The following DQX1 variants were observed in gnomAD, a reference collection of about 807,000 sequenced individuals.
The protein encoded by DQX1 is DEAQ-box RNA dependent ATPase 1.
DQX1 carries 66 observed loss-of-function variants against 81.3 expected under a neutral mutation model. The observed-to-expected ratio is 0.81, with a 90% CI of 0.67 to 1.00. The LOEUF (loss-of-function observed/expected upper bound fraction) is 1.00. Among genes scored for constraint, DQX1 ranks in the 50% least tolerant of loss-of-function variants. DQX1 has a pLI of 0.00. For synonymous variants in DQX1, 290 were observed against 350.0 expected (o/e 0.83, Z 1.91); for missense variants, 798 against 867.9 (o/e 0.92, Z 1.01).
rs762360458 is a variant in DQX1, at chr2:74,524,165, C to A, written c.574G>T (p.Glu192Ter). The change falls in exon 4 of 12, where the codon GAA becomes TAA. Residue 192 changes from glutamate to a stop codon, truncating the protein, a stop_gained. Coordinates refer to ENST00000404568, the MANE Select transcript of DQX1 (RefSeq NM_133637.3). LOFTEE classifies it high-confidence loss of function. Reference protein sequence around the residue: ...LQGLLQDARLEKLPGDLRVVV... With the variant: ...LQGLLQDARL ...ACTCTGAGGTCCCCCGGAAGTTTTT[C>A]CAGCCTGGCATCTTGCAGTAGCCCC... The A allele has an allele frequency of 4.8e-5, 78 of 1,614,072 alleles. No individual in the cohort carries two copies. The highest frequency in any genetic ancestry group is 6.4e-5 in the Non-Finnish European group (76 of 1,180,030).
intron 8 of DQX1, 85 bp from the exon 9 acceptor site, chr2:74,520,119 A>C: frequency 6.5e-7 from 1 of 1,533,166 alleles, no homozygotes; most frequent in Non-Finnish European, 8.8e-7. Context: ...GAAAAGGCAG[A>C]AGTGTCCCTT....
At position 74,525,126 on chromosome 2, in the gene DQX1, G is replaced by A; in HGVS notation, c.314C>T (p.Pro105Leu). The change falls in exon 3 of 12, where the codon CCT (proline) becomes CTT (leucine). Residue 105 changes from proline (P) to leucine (L), a missense_variant. Coordinates refer to ENST00000404568, the MANE Select transcript of DQX1 (RefSeq NM_133637.3). This position sits in a 1 kb window ranked among gnomAD's most constrained non-coding sequence, Gnocchi z 4.1. ...CAGAGCCAGGCTCCGGGCTGCAAGA[G>A]GGTAGGGCTGAGTAACAGTAACCTG... is the stretch of plus-strand genomic sequence containing the variant. ...KGQVTVTQPY[P>L]LAARSLALRV... The A allele has an allele frequency of 1.9e-6, 3 of 1,613,978 alleles. No homozygotes were observed. Among genetic ancestry groups the A allele is most frequent in the Non-Finnish European group, 2.5e-6 (3 of 1,179,898 alleles).
chr2:74,519,438 G>C, intron 10 of DQX1, 118 bp downstream of exon 10: 1 of 1,416,792 alleles, frequency 7.1e-7, no homozygotes, highest in Non-Finnish European at 9.6e-7. Context: ...AGTCCTTTCT[G>C]GTTCTAAAGA....
rs1313938406 is a variant in DQX1, at chr2:74,522,685, T to G, written c.1390A>C (p.Ile464Leu). 6.2e-7 allele frequency: 1 copy of G among 1,614,110 alleles called. No homozygotes were observed. Among genetic ancestry groups the G allele is most frequent in the Non-Finnish European group, 8.5e-7 (1 of 1,180,042 alleles). The change falls in exon 8 of 12, where the codon ATA (isoleucine) becomes CTA (leucine). Residue 464 changes from isoleucine to leucine, a missense_variant. Ile to Leu is a conservative substitution (Grantham distance 5, BLOSUM62 2). Transcript: ENST00000404568. The part of the protein sequence containing the change: ...DDGDLSDLGV[I>L]LSEFPLAPEL... ...GGGGCCAGAGGGAATTCTGATAGTATGACACCCAGATCTGACAGGTCCCCA... is the reference window on the plus strand; with the variant it reads ...GGGGCCAGAGGGAATTCTGATAGTAGGACACCCAGATCTGACAGGTCCCCA...
At chr2:74,521,649 GA>G (rs760123100) in intron 8 of DQX1, among the ~76,000 whole-genome samples, 167 of 122,010 alleles carry the variant, frequency 1.4e-3, no homozygotes, top group Non-Finnish European at 1.5e-3. Flanking sequence ...GACTTTGTCT[GA>G]AAAAAAAAAA....
intron 11 of DQX1, 89 bp from the exon 12 acceptor site, chr2:74,518,691 G>A (rs966414213): frequency 3.0e-6 from 4 of 1,328,218 alleles, no homozygotes; most frequent in Non-Finnish European, 4.2e-6. Context: ...CTGTTACCTG[G>A]GCTGGAGTTC....
chr2:74,519,896 A>G lies in DQX1; in HGVS notation c.1615+19T>C. The G allele has an allele frequency of 6.2e-7, 1 of 1,609,202 alleles. No homozygotes were observed. The highest frequency in any genetic ancestry group is 8.5e-7 in the Non-Finnish European group (1 of 1,176,480). On this transcript the variant is annotated intron_variant, in intron 9 of 11. Transcript: ENST00000404568. ...CTCTTTGGAAAATCTGGGATTCTAT[A>G]AAAGGATGCAGAACTCACTTTGTAT...
chr2:74,522,215 T>C (rs1675047829), intron 8 of DQX1, among the ~76,000 whole-genome samples: 1 of 152,052 alleles, frequency 6.6e-6, no homozygotes, highest in East Asian at 1.9e-4. Flanking sequence ...CACTGGTGAG[T>C]TGAAAGCTGT....
At position 74,522,994 on chromosome 2, in the gene DQX1, G is replaced by A. The variant is rs374979720; in HGVS notation, c.1165C>T (p.Pro389Ser). Residue 389 changes from proline (P) to serine (S), a missense_variant, in exon 7 of 12, where the codon CCT becomes TCT. Coordinates refer to ENST00000404568, the MANE Select transcript of DQX1 (RefSeq NM_133637.3). ...GCTTCTAGTTCTAAGAAGGACTTAG[G>A]ATACAGGCAGAGGCAGGATCCTGAG... ...FPPGSCLCLY[P>S]KSFLELEAPP... 2.5e-6 allele frequency: 4 copies of A among 1,614,078 alleles called. No individual in the cohort carries two copies. In the African/African-American group the frequency reaches 5.3e-5, roughly 22 times the overall value.
chr2:74,521,145 T>C (rs932760858), intron 8 of DQX1, among the ~76,000 whole-genome samples: 3 of 152,212 alleles, frequency 2.0e-5, no homozygotes, highest in South Asian at 2.1e-4. Context: ...TATATTTATA[T>C]ATATATTTAC....
chr2:74,522,151 G>A (rs1675046797), intron 8 of DQX1, among the ~76,000 whole-genome samples: 1 of 152,222 alleles, frequency 6.6e-6, no homozygotes, highest in Non-Finnish European at 1.5e-5. Context: ...AGTGTCAAAA[G>A]AAGGTCATGA....
In DQX1 at chr2:74,525,321, C is replaced by A; in HGVS notation, c.238-119G>T. The A allele has an allele frequency of 7.6e-7, 1 of 1,307,756 alleles. No individual in the cohort carries two copies. The highest frequency in any genetic ancestry group is 1.0e-6 in the Non-Finnish European group (1 of 969,354). 81.0% of individuals were successfully genotyped at this position (1,307,756 alleles called of 1,614,324 possible). ...ATTTGGGGAGTCCCCTGGTCTTTCA[C>A]CAGCCTCCAGGGCCAACCTAACCCA... On this transcript the variant is annotated intron_variant, in intron 2 of 11. Coordinates refer to ENST00000404568, the MANE Select transcript of DQX1 (RefSeq NM_133637.3). This position sits in a 1 kb window ranked among gnomAD's most constrained non-coding sequence, Gnocchi z 4.1.
At chr2:74,521,269 T>G (rs1675015836) in intron 8 of DQX1, among the ~76,000 whole-genome samples, 1 of 151,902 alleles carries the variant, frequency 6.6e-6, no homozygotes, top group Non-Finnish European at 1.5e-5. Flanking sequence ...GAGGAAAAGA[T>G]TTTGTGGTGA....
intron 11 of DQX1, 86 bp from the exon 12 acceptor site, chr2:74,518,688 C>T: frequency 7.3e-7 from 1 of 1,374,818 alleles, no homozygotes; most frequent in Non-Finnish European, 1.0e-6. Context: ...GCTCTGTTAC[C>T]TGGGCTGGAG....
Position 74,519,716 on chromosome 2 carries a change from C to T in DQX1, c.1646G>A (p.Arg549Gln), listed in dbSNP as rs755644140. ...SGADEAWCQARGLNWAALCQA... is the reference protein window; with the variant it reads ...SGADEAWCQAQGLNWAALCQA... The stretch of plus-strand genomic sequence containing the variant: ...GCACAATGCTGCCCAATTCAGACCT[C>T]GAGCCTGGCACCAAGCCTCATCTGC... The change falls in exon 10 of 12, where the codon CGA becomes CAA. Residue 549 changes from arginine (R) to glutamine (Q), a missense_variant. By Grantham distance (43) the Arg-to-Gln change is conservative. Coordinates refer to ENST00000404568, the MANE Select transcript of DQX1 (RefSeq NM_133637.3). 6.2e-6 allele frequency: 10 copies of T among 1,614,060 alleles called. No individual in the cohort carries two copies. Among genetic ancestry groups the T allele is most frequent in the African/African-American group, 1.3e-5 (1 of 74,920 alleles).
At position 74,518,217 on chromosome 2, in the gene DQX1, C is replaced by T. The variant is rs562915306; in HGVS notation, c.*229G>A. The T allele has an allele frequency of 1.7e-3, 823 of 490,190 alleles. 2 individuals carry two copies. Among genetic ancestry groups the T allele is most frequent in the Non-Finnish European group, 2.0e-3 (556 of 280,386 alleles). 30.4% of individuals were successfully genotyped at this position (490,190 alleles called of 1,614,324 possible). ...TTAAGAGAATGAGGAGCATGTCAGT[C>T]CCTCTCCAATCAATAAGAGAAGGCT... is the stretch of plus-strand genomic sequence containing the variant. On this transcript the variant is annotated 3_prime_UTR_variant, in exon 12 of 12. Transcript: ENST00000404568.
In DQX1 at chr2:74,525,102, A is replaced by G; in HGVS notation, c.338T>C (p.Leu113Pro). The part of the protein sequence containing the change: ...PYPLAARSLA[L>P]RVADEMDLTL... ...CAGGTCCATCTCATCAGCAACCCGC[A>G]GAGCCAGGCTCCGGGCTGCAAGAGG... is the stretch of plus-strand genomic sequence containing the variant. Residue 113 changes from leucine (L) to proline (P), a missense_variant, in exon 3 of 12, where the codon CTG becomes CCG. Coordinates refer to ENST00000404568, the MANE Select transcript of DQX1 (RefSeq NM_133637.3). This position sits in a 1 kb window ranked among gnomAD's most constrained non-coding sequence, Gnocchi z 4.1. The G allele has an allele frequency of 6.2e-7, 1 of 1,614,146 alleles. No homozygotes were observed. Among genetic ancestry groups the G allele is most frequent in the Non-Finnish European group, 8.5e-7 (1 of 1,180,004 alleles).
chr2:74,522,558 G>A, intron 8 of DQX1, 22 bp downstream of exon 8: 1 of 1,603,032 alleles, frequency 6.2e-7, no homozygotes, highest in African/African-American at 1.3e-5. Flanking sequence ...AAGAGCTATG[G>A]ATTTACAGCA....
At position 74,521,648 on chromosome 2, in the gene DQX1, T is replaced by TG. The variant is rs1481192198; in HGVS notation, c.1495+931dup. 2.7e-5 allele frequency among the ~76,000 whole-genome samples: 4 copies of TG among 145,572 alleles called. No homozygotes were observed. In the East Asian group the frequency reaches 7.9e-4, roughly 29 times the overall value. On this transcript the variant is annotated intron_variant, in intron 8 of 11. Transcript: ENST00000404568. ...CTGGGTGACAGAGTGAGACTTTGTC[T>TG]GAAAAAAAAAAAAAAGAAAAAGAAA...
Sources: gnomAD v4.1 joint callset for allele counts (sites outside exome capture counted in the v4.1 genomes callset) on GRCh38, gnomAD v4.1.1 for gene constraint, Gnocchi (gnomAD v3.1) non-coding constraint, MANE v1.5 for transcripts, NCBI Gene and HGNC (gene_info 2026-07-23, HGNC 2026-07-21) for gene names.